RBFOX1: variants seen among roughly 807,000 people sequenced by gnomAD.
The protein encoded by RBFOX1 is RNA binding protein fox-1 homolog 1.
RBFOX1 carries 8 observed loss-of-function variants against 57.7 expected under a neutral mutation model. That is an observed-to-expected ratio of 0.14 (90% CI 0.08 to 0.25). The LOEUF is 0.25. Among genes scored for constraint, RBFOX1 ranks in the 10% least tolerant of loss-of-function variants. The probability of loss-of-function intolerance (pLI) is 1.00; values close to 1 mark genes in which losing one functional copy is unlikely to be tolerated. For synonymous variants in RBFOX1, 326 were observed against 222.4 expected (o/e 1.47, Z -4.15); for missense variants, 611 against 548.5 (o/e 1.11, Z -1.14).
chr16:7,094,997 G>A (rs148515951), intron 4 of RBFOX1, among the ~76,000 whole-genome samples: 63 of 152,050 alleles, frequency 4.1e-4, no homozygotes, highest in African/African-American at 1.5e-3. Flanking sequence ...CATCAATTGT[G>A]GAATAACCTT....
intron 2 of RBFOX1, among the ~76,000 whole-genome samples, chr16:6,626,721 C>A (rs1189512127): frequency 6.6e-6 from 1 of 152,026 alleles, no homozygotes; most frequent in Non-Finnish European, 1.5e-5. Flanking sequence ...GATTGCACCA[C>A]AGCACCCCAG....
At chr16:5,782,723 G>A (rs1040396578) in intron 3 of RBFOX1, among the ~76,000 whole-genome samples, 9 of 152,196 alleles carry the variant, frequency 5.9e-5, no homozygotes, top group Non-Finnish European at 8.8e-5. Flanking sequence ...TACAGAGGCT[G>A]AGAAGTCCTA....
chr16:7,027,433 T>A (rs2041296673), intron 3 of RBFOX1, among the ~76,000 whole-genome samples: 1 of 152,152 alleles, frequency 6.6e-6, no homozygotes, highest in Non-Finnish European at 1.5e-5. Flanking sequence ...TCTCCTTTTT[T>A]CAGGTGGAAT....
chr16:6,123,162 A>G (rs188767622), intron 1 of RBFOX1, among the ~76,000 whole-genome samples: 10 of 152,300 alleles, frequency 6.6e-5, no homozygotes, highest in Admixed American at 2.6e-4. Flanking sequence ...AATACACACA[A>G]AGGAACTGAA....
At chr16:6,604,955 C>G (rs566151425) in intron 2 of RBFOX1, among the ~76,000 whole-genome samples, 4 of 151,796 alleles carry the variant, frequency 2.6e-5, no homozygotes, top group Non-Finnish European at 5.9e-5. Flanking sequence ...GGCGACATGG[C>G]AAAACCTCAT....
chr16:5,317,062 T>A (rs7189355), intron 1 of RBFOX1, among the ~76,000 whole-genome samples: 2,138 of 152,298 alleles, frequency 0.014, 43 homozygotes, highest in African/African-American at 0.049. Flanking sequence ...GATAGCCTCC[T>A]GGGCTCTCAG....
At chr16:5,256,022 T>A (rs9302800) in intron 1 of RBFOX1, among the ~76,000 whole-genome samples, 1 of 151,704 alleles carries the variant, frequency 6.6e-6, no homozygotes, top group Non-Finnish European at 1.5e-5. Context: ...TAGGTTTTAC[T>A]ATTCATTATT....
chr16:5,708,261 G>A (rs2151498088), intron 3 of RBFOX1, among the ~76,000 whole-genome samples: 1 of 152,094 alleles, frequency 6.6e-6, no homozygotes, highest in Non-Finnish European at 1.5e-5. Context: ...TTATTCATTT[G>A]GTAAATATGT....
chr16:6,343,877 A>G (rs1214985056), intron 2 of RBFOX1, among the ~76,000 whole-genome samples: 2 of 152,168 alleles, frequency 1.3e-5, no homozygotes, highest in Admixed American at 6.5e-5. Flanking sequence ...AAGAATCACC[A>G]TCCCCTGAGA....
intron 1 of RBFOX1, among the ~76,000 whole-genome samples, chr16:6,250,867 T>G (rs1166307505): frequency 3.3e-5 from 5 of 152,144 alleles, no homozygotes; most frequent in African/African-American, 4.8e-5. Flanking sequence ...TGAGAGTGGT[T>G]TTTGGATTAT....
At chr16:5,731,685 C>T (rs2052379149) in intron 3 of RBFOX1, among the ~76,000 whole-genome samples, 1 of 152,084 alleles carries the variant, frequency 6.6e-6, no homozygotes, top group East Asian at 1.9e-4. Context: ...AGAAATCCCC[C>T]CTGGATGTCC....
At chr16:5,988,386 G>A (rs1404316972) in intron 4 of RBFOX1, among the ~76,000 whole-genome samples, 2 of 152,166 alleles carry the variant, frequency 1.3e-5, no homozygotes, top group African/African-American at 2.4e-5. Context: ...TTAGGATTAC[G>A]TTATCAAGCC....
intron 4 of RBFOX1, among the ~76,000 whole-genome samples, chr16:7,106,984 A>AAACACACACACACACACACACACACACAC (rs529197707): frequency 6.7e-6 from 1 of 148,514 alleles, no homozygotes; most frequent in Non-Finnish European, 1.5e-5. Context: ...ACACAGTTAA[A>AAACACACACACACACACACACACACACAC]ACACACACAC....
intron 4 of RBFOX1, among the ~76,000 whole-genome samples, chr16:7,327,712 G>C (rs948369376): frequency 6.6e-6 from 1 of 152,078 alleles, no homozygotes; most frequent in Non-Finnish European, 1.5e-5. Context: ...TATGATTATT[G>C]GTACAAAGAA....
intron 4 of RBFOX1, among the ~76,000 whole-genome samples, chr16:7,117,675 C>A (rs1406350584): frequency 6.6e-6 from 1 of 152,196 alleles, no homozygotes; most frequent in African/African-American, 2.4e-5. Flanking sequence ...CCTGCAGAAG[C>A]TTAACACAAC....
intron 3 of RBFOX1, among the ~76,000 whole-genome samples, chr16:5,841,183 A>T (rs568887463): frequency 1.3e-4 from 20 of 152,330 alleles, no homozygotes; most frequent in African/African-American, 4.8e-4. Context: ...CACTATATAG[A>T]GTAGGTACTG....
At chr16:6,243,759 C>A (rs1458003894) in intron 1 of RBFOX1, among the ~76,000 whole-genome samples, 1 of 152,076 alleles carries the variant, frequency 6.6e-6, no homozygotes, top group Non-Finnish European at 1.5e-5. Flanking sequence ...GGCCCTAGCA[C>A]CTTGGTTTGG....
At chr16:6,969,877 G>C (rs1002731938) in intron 3 of RBFOX1, among the ~76,000 whole-genome samples, 1 of 152,168 alleles carries the variant, frequency 6.6e-6, no homozygotes, top group Admixed American at 6.5e-5. Context: ...TAATTGATGG[G>C]TATGCAATGT....
chr16:6,751,957 A>AT (rs2154191906), intron 3 of RBFOX1, among the ~76,000 whole-genome samples: 1 of 152,230 alleles, frequency 6.6e-6, no homozygotes, highest in East Asian at 1.9e-4. Context: ...TTTAATTGAG[A>AT]TTTTATGTCC....
Sources: allele counts gnomAD v4.1 joint callset (sites outside exome capture counted in the v4.1 genomes callset), GRCh38; gene constraint gnomAD v4.1.1; transcripts MANE v1.5; gene names NCBI Gene and HGNC (gene_info 2026-07-23, HGNC 2026-07-21).